The following ROBO2 variants were observed in gnomAD, a reference collection of about 807,000 sequenced individuals.
ROBO2 encodes roundabout homolog 2.
In ROBO2, 53 loss-of-function variants were observed where a neutral mutation model predicts 160.8. The observed-to-expected ratio is 0.33, with a 90% CI of 0.26 to 0.41. The LOEUF (loss-of-function observed/expected upper bound fraction) is 0.41. Among genes scored for constraint, ROBO2 ranks in the 10% least tolerant of loss-of-function variants. The probability of loss-of-function intolerance (pLI) is 1.00; values close to 1 mark genes in which losing one functional copy is unlikely to be tolerated. For synonymous variants in ROBO2, 664 were observed against 611.7 expected, an observed-to-expected ratio of 1.09 and a Z score of -1.26; for missense variants, 1,577 against 1,722.4, an observed-to-expected ratio of 0.92 and a Z score of 1.49.
At chr3:77,439,859 A>G (rs2079729159) in intron 2 of ROBO2, among the ~76,000 whole-genome samples, 2 of 152,102 alleles carry the variant, frequency 1.3e-5, no homozygotes, top group South Asian at 4.1e-4. Flanking sequence ...GCTCTCTTCC[A>G]GACACCTCAT....
intron 9 of ROBO2, among the ~76,000 whole-genome samples, chr3:77,561,769 G>C (rs1348043638): frequency 1.3e-5 from 2 of 151,900 alleles, no homozygotes; most frequent in Non-Finnish European, 2.9e-5. Context: ...ACATATAAGT[G>C]AATATTGAAG....
chr3:76,542,969 C>T (rs1018918621), intron 2 of ROBO2, among the ~76,000 whole-genome samples: 5 of 152,120 alleles, frequency 3.3e-5, no homozygotes, highest in African/African-American at 7.2e-5. Context: ...AGTTTTCCTA[C>T]GACATTCTCA....
chr3:77,557,520 T>C (rs933374479), intron 8 of ROBO2, among the ~76,000 whole-genome samples: 2 of 152,014 alleles, frequency 1.3e-5, no homozygotes, highest in Admixed American at 1.3e-4. Context: ...AAATTGGCTG[T>C]ACTCATATGA....
chr3:77,293,033 T>C (rs1260947774), intron 2 of ROBO2, among the ~76,000 whole-genome samples: 1 of 147,408 alleles, frequency 6.8e-6, no homozygotes, highest in Non-Finnish European at 1.5e-5. Context: ...AGACATAAAG[T>C]AAAATTGATG....
intron 5 of ROBO2, among the ~76,000 whole-genome samples, chr3:77,510,280 A>C (rs1187528620): frequency 2.0e-5 from 3 of 152,146 alleles, no homozygotes; most frequent in Non-Finnish European, 4.4e-5. Flanking sequence ...ATGGAACAAG[A>C]TAACTGAAGA....
At chr3:77,615,556 A>C (rs112562196) in intron 21 of ROBO2, among the ~76,000 whole-genome samples, 1,589 of 152,276 alleles carry the variant, frequency 0.01, 32 homozygotes, top group African/African-American at 0.037. Flanking sequence ...CGTAGCGTTG[A>C]CTTTTCCAGG....
chr3:77,042,984 A>T (rs1352309042), intron 1 of ROBO2, among the ~76,000 whole-genome samples: 1 of 152,220 alleles, frequency 6.6e-6, no homozygotes, highest in Non-Finnish European at 1.5e-5. Context: ...TGTCAAAAGC[A>T]AAGGAAACCC....
At chr3:76,208,795 G>A (rs1702964236) in intron 2 of ROBO2, among the ~76,000 whole-genome samples, 1 of 152,200 alleles carries the variant, frequency 6.6e-6, no homozygotes, top group East Asian at 1.9e-4. Context: ...CCCGGGTCTG[G>A]GGGATAATGG....
chr3:76,007,518 A>C (rs897492239), intron 2 of ROBO2, among the ~76,000 whole-genome samples: 7 of 152,078 alleles, frequency 4.6e-5, no homozygotes, highest in Non-Finnish European at 8.8e-5. Flanking sequence ...AAAAGCAGGT[A>C]TTTTTTTCAG....
At chr3:77,048,250 T>C (rs892002732) in intron 1 of ROBO2, among the ~76,000 whole-genome samples, 3 of 152,140 alleles carry the variant, frequency 2.0e-5, no homozygotes, top group Non-Finnish European at 4.4e-5. Context: ...TTTAATAAGA[T>C]TTTTCAGCTG....
At chr3:77,228,384 AAAAC>A (rs1407236499) in intron 2 of ROBO2, among the ~76,000 whole-genome samples, 1 of 151,980 alleles carries the variant, frequency 6.6e-6, no homozygotes, top group African/African-American at 2.4e-5. Flanking sequence ...AATAGCTCAG[AAAAC>A]AAACAGATAT....
chr3:76,594,910 A>G (rs146881434), intron 2 of ROBO2, among the ~76,000 whole-genome samples: 205 of 152,094 alleles, frequency 1.3e-3, no homozygotes, highest in Non-Finnish European at 2.7e-3. Flanking sequence ...CTACGGACTA[A>G]ATTTGTTCCC....
At chr3:77,102,113 A>G (rs897872673) in intron 2 of ROBO2, among the ~76,000 whole-genome samples, 1 of 152,144 alleles carries the variant, frequency 6.6e-6, no homozygotes, top group African/African-American at 2.4e-5. Flanking sequence ...AATAAACAGT[A>G]CCTGTGGGCT....
intron 2 of ROBO2, among the ~76,000 whole-genome samples, chr3:77,382,983 G>T (rs1219839213): frequency 2.0e-5 from 3 of 152,092 alleles, no homozygotes; most frequent in Admixed American, 6.5e-5. Flanking sequence ...TAAAATTGAT[G>T]TTGAATTTCT....
intron 2 of ROBO2, among the ~76,000 whole-genome samples, chr3:76,393,297 C>T (rs973479441): frequency 6.6e-6 from 1 of 152,092 alleles, no homozygotes; most frequent in Non-Finnish European, 1.5e-5. Context: ...CCTCATTGAA[C>T]TATGGAAGTA....
intron 2 of ROBO2, among the ~76,000 whole-genome samples, chr3:76,452,765 G>A (rs2077541598): frequency 6.6e-6 from 1 of 152,140 alleles, no homozygotes; most frequent in Admixed American, 6.5e-5. Flanking sequence ...CTTCCACAAT[G>A]GTTGAACTAG....
At chr3:77,033,385 G>A (rs889418178) in intron 2 of ROBO2, among the ~76,000 whole-genome samples, 6 of 152,062 alleles carry the variant, frequency 3.9e-5, no homozygotes, top group African/African-American at 1.4e-4. Flanking sequence ...AATAAAACAG[G>A]TTTTCATCCT....
At chr3:76,609,168 G>T (rs1168300796) in intron 2 of ROBO2, among the ~76,000 whole-genome samples, 1 of 152,148 alleles carries the variant, frequency 6.6e-6, no homozygotes, top group African/African-American at 2.4e-5. Flanking sequence ...TGAGTTCACT[G>T]TAGGTGTGTG....
At chr3:76,460,102 ATTTG>A (rs1178215498) in intron 2 of ROBO2, among the ~76,000 whole-genome samples, 2 of 152,178 alleles carry the variant, frequency 1.3e-5, no homozygotes, top group East Asian at 3.9e-4. Flanking sequence ...GTTTATGCTT[ATTTG>A]TTCTTGTGAC....
Sources: allele counts gnomAD v4.1 joint callset (sites outside exome capture counted in the v4.1 genomes callset), GRCh38; gene constraint gnomAD v4.1.1; transcripts MANE v1.5; gene names NCBI Gene and HGNC (gene_info 2026-07-23, HGNC 2026-07-21).